PPFIBP1: variants seen among roughly 807,000 people sequenced by gnomAD.
PPFIBP1 encodes liprin-beta-1.
Under a neutral mutation model 137.8 loss-of-function variants are expected in PPFIBP1, and 112 were observed. The observed-to-expected ratio is 0.81, with a 90% confidence interval of 0.70 to 0.95. The LOEUF is 0.95. PPFIBP1 is among the 40% of genes least tolerant of loss of function. The probability of loss-of-function intolerance (pLI) is 0.00; values close to 1 mark genes in which losing one functional copy is unlikely to be tolerated. For synonymous variants in PPFIBP1, 378 were observed against 417.3 expected, an observed-to-expected ratio of 0.91 and a Z score of 1.15; for missense variants, 1,083 against 1,196.6, an observed-to-expected ratio of 0.91 and a Z score of 1.40.
chr12:27,524,677 G>A (rs950259795), intron 1 of PPFIBP1, among the ~76,000 whole-genome samples: 7 of 151,952 alleles, frequency 4.6e-5, no homozygotes, highest in African/African-American at 1.2e-4. Flanking sequence ...AGGGGCGTGT[G>A]TGTCTCTCTG....
At chr12:27,672,754 C>T (rs936513124) in intron 15 of PPFIBP1, among the ~76,000 whole-genome samples, 1 of 152,128 alleles carries the variant, frequency 6.6e-6, no homozygotes, top group Non-Finnish European at 1.5e-5. Context: ...CATCAGTTTT[C>T]ATTTGAAGTT....
chr12:27,592,956 A>G (rs991205325), intron 2 of PPFIBP1, among the ~76,000 whole-genome samples: 19 of 152,014 alleles, frequency 1.2e-4, no homozygotes, highest in Admixed American at 1.2e-3. Context: ...CCTGGCCAAC[A>G]TGGTGAAACA....
At chr12:27,637,233 C>A (rs1397923787) in intron 4 of PPFIBP1, 3 of 152,122 alleles carry the variant, frequency 2.0e-5, no homozygotes, top group Non-Finnish European at 2.9e-5. Flanking sequence ...TACTGTATCC[C>A]TGGTGCTTAG....
intron 1 of PPFIBP1, among the ~76,000 whole-genome samples, chr12:27,531,501 C>T (rs1198811384): frequency 1.3e-5 from 2 of 151,052 alleles, no homozygotes; most frequent in Non-Finnish European, 2.9e-5. Flanking sequence ...CAGGGTTTCA[C>T]CATCGTGGCC....
chr12:27,538,682 G>A (rs1160027041), intron 1 of PPFIBP1, among the ~76,000 whole-genome samples: 1 of 152,218 alleles, frequency 6.6e-6, no homozygotes, highest in Non-Finnish European at 1.5e-5. Context: ...CAACCAATAT[G>A]CATTAGGCCT....
intron 2 of PPFIBP1, among the ~76,000 whole-genome samples, chr12:27,609,843 T>A (rs1280913822): frequency 6.6e-6 from 1 of 152,210 alleles, no homozygotes; most frequent in Non-Finnish European, 1.5e-5. Flanking sequence ...CCTAGATGAA[T>A]ATCCCAGGGG....
intron 18 of PPFIBP1, 105 bp from the exon 19 acceptor site, chr12:27,676,959 G>A: frequency 4.2e-6 from 6 of 1,433,214 alleles, no homozygotes; most frequent in Non-Finnish European, 5.9e-6. Flanking sequence ...CTCCTCCACG[G>A]TGTGTATTTG....
intron 1 of PPFIBP1, among the ~76,000 whole-genome samples, chr12:27,562,554 C>T (rs2049255443): frequency 6.6e-6 from 1 of 152,084 alleles, no homozygotes; most frequent in South Asian, 2.1e-4. Flanking sequence ...TTTCCTTTAT[C>T]TTTAATTTAC....
chr12:27,635,209 T>C (rs1456798335), intron 4 of PPFIBP1, 94 bp downstream of exon 4: 1 of 1,209,706 alleles, frequency 8.3e-7, no homozygotes, highest in Admixed American at 1.8e-5. Context: ...AAGAAAAGTT[T>C]AGGGCAACAC....
chr12:27,636,708 C>A, intron 4 of PPFIBP1: 1 of 152,004 alleles, frequency 6.6e-6, no homozygotes, highest in African/African-American at 2.4e-5. Context: ...CTCCTTTTTT[C>A]AGAAACTACC....
chr12:27,682,501 A>G lies in PPFIBP1; in HGVS notation c.2158+3A>G. The G allele has an allele frequency of 6.2e-7, 1 of 1,610,378 alleles. No individual in the cohort carries two copies. On this transcript the variant is annotated splice_donor_region_variant and intron_variant, in intron 23 of 29. Coordinates refer to ENST00000228425, the MANE Select transcript of PPFIBP1 (RefSeq NM_003622.4). ...GCTGGATTTCAACTGGGTCACTAGT[A>G]AGAAGTTTTTATTCTAACAAAATGA...
intron 10 of PPFIBP1, 139 bp from the exon 11 acceptor site, chr12:27,660,745 A>G (rs1593204400): frequency 7.7e-7 from 1 of 1,304,842 alleles, no homozygotes; most frequent in East Asian, 2.6e-5. Flanking sequence ...ATGGGTGTTA[A>G]ATGTGCCCTT....
chr12:27,652,286 T>G (rs559058473), intron 7 of PPFIBP1, among the ~76,000 whole-genome samples: 1 of 152,324 alleles, frequency 6.6e-6, no homozygotes, highest in African/African-American at 2.4e-5. Context: ...GTCTTTAAAC[T>G]TTGGAAGATT....
chr12:27,528,973 A>T (rs1373604282), intron 1 of PPFIBP1, among the ~76,000 whole-genome samples: 1 of 152,226 alleles, frequency 6.6e-6, no homozygotes, highest in Non-Finnish European at 1.5e-5. Flanking sequence ...TGGCCCACAC[A>T]CACATCCTTG....
chr12:27,641,901 T>C (rs2058131221), intron 4 of PPFIBP1, among the ~76,000 whole-genome samples: 1 of 151,908 alleles, frequency 6.6e-6, no homozygotes, highest in Admixed American at 6.6e-5. Context: ...TCCCCTCCCG[T>C]TGTATGGGAG....
chr12:27,590,382 C>A lies in PPFIBP1; in HGVS notation c.-36+12143C>A, dbSNP rs529915998. 3.3e-5 allele frequency among the ~76,000 whole-genome samples: 5 copies of A among 152,132 alleles called. No individual in the cohort carries two copies. In the South Asian group the frequency reaches 1.0e-3, roughly 32 times the overall value. On this transcript the variant is annotated intron_variant, in intron 2 of 29. Coordinates refer to ENST00000228425, the MANE Select transcript of PPFIBP1 (RefSeq NM_003622.4). ...GTACAGACAGGGTTTTACCATGTTGCCCAGGCTGGTCTCAAACTCCTGACC... is the reference window on the plus strand; with the variant it reads ...GTACAGACAGGGTTTTACCATGTTGACCAGGCTGGTCTCAAACTCCTGACC...
intron 2 of PPFIBP1, among the ~76,000 whole-genome samples, chr12:27,600,005 C>G (rs1290698318): frequency 6.6e-6 from 1 of 152,184 alleles, no homozygotes; most frequent in Non-Finnish European, 1.5e-5. Context: ...CATGCTGTAT[C>G]CAAGTTAATA....
At chr12:27,646,999 GTTTTGT>G (rs746414973) in intron 5 of PPFIBP1, among the ~76,000 whole-genome samples, 1 of 152,100 alleles carries the variant, frequency 6.6e-6, no homozygotes, top group Non-Finnish European at 1.5e-5. Flanking sequence ...AATTCCCTGG[GTTTTGT>G]TTTTGTTTTT....
chr12:27,565,374 C>T lies in PPFIBP1; in HGVS notation c.-123-12778C>T, dbSNP rs74363755. 5.9e-3 allele frequency among the ~76,000 whole-genome samples: 893 copies of T among 152,312 alleles called. 7 individuals carry two copies. Among genetic ancestry groups the T allele is most frequent in the Admixed American group, 0.016 (241 of 15,304 alleles). ...CAAATATCTGGTTTTCTAGTGAAAT[C>T]TCTACCTGTTGAAGTCACATTTTTG... is the stretch of plus-strand genomic sequence containing the variant. On this transcript the variant is annotated intron_variant, in intron 1 of 29. Coordinates refer to ENST00000228425, the MANE Select transcript of PPFIBP1 (RefSeq NM_003622.4).
Sources: gnomAD v4.1 joint callset for allele counts (sites outside exome capture counted in the v4.1 genomes callset) on GRCh38, gnomAD v4.1.1 for gene constraint, MANE v1.5 for transcripts, NCBI Gene and HGNC (gene_info 2026-07-23, HGNC 2026-07-21) for gene names.